The following ATOSA variants were observed in gnomAD, a reference collection of about 807,000 sequenced individuals.
ATOSA encodes the protein atos homolog A, also known as atos homolog protein A.
At chr15:52,698,935 G>A in the ATOSA span, among the ~76,000 whole-genome samples, 2 of 152,068 alleles carry the variant, frequency 1.3e-5, no homozygotes, top group South Asian at 2.1e-4. Context: ...TTGGAAACTC[G>A]AGCCATGGCA....
chr15:52,648,652 A>G, the ATOSA span: 4 of 152,174 alleles, frequency 2.6e-5, no homozygotes, highest in African/African-American at 9.7e-5. Context: ...AGAAACCAAC[A>G]TAAATTTTAA....
At chr15:52,705,247 T>C in the ATOSA span, among the ~76,000 whole-genome samples, 1 of 151,340 alleles carries the variant, frequency 6.6e-6, no homozygotes, top group African/African-American at 2.4e-5. Flanking sequence ...CAGCAAACTA[T>C]CACGAGGACA....
At chr15:52,653,462 A>G in the ATOSA span, among the ~76,000 whole-genome samples, 1 of 152,164 alleles carries the variant, frequency 6.6e-6, no homozygotes, top group Non-Finnish European at 1.5e-5. Context: ...AGCCAGAGGG[A>G]GAGCTGCTAA....
the ATOSA span, among the ~76,000 whole-genome samples, chr15:52,687,028 C>A: frequency 6.6e-6 from 1 of 152,198 alleles, no homozygotes; most frequent in African/African-American, 2.4e-5. Context: ...AAATACTTTG[C>A]TGGGCCCTAG....
the ATOSA span, among the ~76,000 whole-genome samples, chr15:52,591,519 G>C: frequency 6.6e-6 from 1 of 152,084 alleles, no homozygotes; most frequent in Non-Finnish European, 1.5e-5. Context: ...CAAAGTGCTG[G>C]GATTCAGATA....
the ATOSA span, among the ~76,000 whole-genome samples, chr15:52,680,870 C>T: frequency 6.6e-6 from 1 of 152,258 alleles, no homozygotes; most frequent in African/African-American, 2.4e-5. Context: ...TGAAGTTTTA[C>T]TTGTTCTACA....
chr15:52,638,087 T>G, the ATOSA span, among the ~76,000 whole-genome samples: 1 of 152,198 alleles, frequency 6.6e-6, no homozygotes. Context: ...ATATTAGGTA[T>G]AGATTTTCAT....
At chr15:52,681,709 C>T in the ATOSA span, among the ~76,000 whole-genome samples, 1 of 152,080 alleles carries the variant, frequency 6.6e-6, no homozygotes, top group Admixed American at 6.6e-5. Context: ...TTGCTTTCCC[C>T]TAGGGTTTCA....
the ATOSA span, among the ~76,000 whole-genome samples, chr15:52,655,199 T>C: frequency 6.6e-6 from 1 of 152,178 alleles, no homozygotes; most frequent in Non-Finnish European, 1.5e-5. Flanking sequence ...TACTTACTAT[T>C]TGCCGTAAGG....
the ATOSA span, among the ~76,000 whole-genome samples, chr15:52,630,266 T>G: frequency 6.6e-6 from 1 of 152,184 alleles, no homozygotes; most frequent in African/African-American, 2.4e-5. Context: ...TACTTGTCTT[T>G]ATTAAACCAC....
chr15:52,699,239 T>A, the ATOSA span, among the ~76,000 whole-genome samples: 1 of 152,314 alleles, frequency 6.6e-6, no homozygotes, highest in East Asian at 1.9e-4. Flanking sequence ...TCTGCTTTCT[T>A]GTCTGTGCCT....
At chr15:52,613,925 C>G in the ATOSA span, 1 of 1,191,942 alleles carries the variant, frequency 8.4e-7, no homozygotes, top group Non-Finnish European at 1.2e-6. Flanking sequence ...TCTGGTCTGC[C>G]TAAAATAACT....
At chr15:52,593,291 G>A in the ATOSA span, 1 of 305,996 alleles carries the variant, frequency 3.3e-6, no homozygotes, top group Non-Finnish European at 6.2e-6. Context: ...ATTTGAGAAT[G>A]TGTGTGAACT....
At chr15:52,636,899 T>G in the ATOSA span, among the ~76,000 whole-genome samples, 16 of 152,142 alleles carry the variant, frequency 1.1e-4, no homozygotes, top group Non-Finnish European at 1.6e-4. Flanking sequence ...AGTTTTACAC[T>G]TGGGGAATTT....
chr15:52,694,651 C>G, the ATOSA span, among the ~76,000 whole-genome samples: 1 of 151,798 alleles, frequency 6.6e-6, no homozygotes, highest in South Asian at 2.1e-4. Flanking sequence ...AAGACCCCGC[C>G]TCTATTTTTT....
chr15:52,705,733 T>C, the ATOSA span, among the ~76,000 whole-genome samples: 303 of 152,298 alleles, frequency 2.0e-3, 4 homozygotes, highest in African/African-American at 7.0e-3. Context: ...ATCTTTAATG[T>C]CAATAGCACC....
chr15:52,613,721 A>G, the ATOSA span: 1 of 1,613,954 alleles, frequency 6.2e-7, no homozygotes, highest in East Asian at 2.2e-5. Context: ...CTGGGTAACA[A>G]GACTGTGCTG....
At chr15:52,610,887 T>C in the ATOSA span, among the ~76,000 whole-genome samples, 71 of 152,216 alleles carry the variant, frequency 4.7e-4, no homozygotes, top group Non-Finnish European at 1.8e-4. Flanking sequence ...ATTAAGTCCA[T>C]TGGTTCTCTA....
the ATOSA span, among the ~76,000 whole-genome samples, chr15:52,595,658 G>T: frequency 6.7e-6 from 1 of 149,022 alleles, no homozygotes; most frequent in Non-Finnish European, 1.5e-5. Flanking sequence ...ACTGAAATTA[G>T]TGAGTGAGTT....
Sources: gnomAD v4.1 joint callset for allele counts (sites outside exome capture counted in the v4.1 genomes callset) on GRCh38, gnomAD v4.1.1 for gene constraint, MANE v1.5 for transcripts, NCBI Gene and HGNC (gene_info 2026-07-23, HGNC 2026-07-21) for gene names.